STX8: variants seen among roughly 807,000 people sequenced by gnomAD.
STX8 encodes the protein syntaxin-8.
STX8 carries 23 observed loss-of-function variants against 37.5 expected under a neutral mutation model. The ratio of observed to expected loss-of-function variants is 0.61; its 90% CI spans 0.44 to 0.87. The LOEUF is 0.87. STX8 is among the 40% of genes least tolerant of loss of function. The pLI is 0.00. For synonymous variants in STX8, 115 were observed against 99.1 expected, an observed-to-expected ratio of 1.16 and a Z score of -0.95; for missense variants, 313 against 284.7, an observed-to-expected ratio of 1.10 and a Z score of -0.71.
At chr17:9,304,395 G>A (rs113356568) in intron 7 of STX8, among the ~76,000 whole-genome samples, 25 of 150,968 alleles carry the variant, frequency 1.7e-4, no homozygotes, top group African/African-American at 4.9e-4. Context: ...GCGTGGTGGC[G>A]CATGCCTGTA....
At chr17:9,567,724 T>C (rs1346599510) in intron 2 of STX8, among the ~76,000 whole-genome samples, 1 of 152,242 alleles carries the variant, frequency 6.6e-6, no homozygotes, top group Non-Finnish European at 1.5e-5. Flanking sequence ...TCTCACTCTG[T>C]TGCCCAGGCG....
rs185712775 is a variant in STX8, at chr17:9,375,359, A to G, written c.643+3193T>C. On this transcript the variant is annotated intron_variant, in intron 7 of 7. Coordinates refer to ENST00000306357, the MANE Select transcript of STX8 (RefSeq NM_004853.3). ...AGACATTATGACACTTCTGGGTAAA[A>G]ATACTACACACCAGATATTAACATC... 7.2e-5 allele frequency among the ~76,000 whole-genome samples: 11 copies of G among 152,336 alleles called. No homozygotes were observed. The East Asian group carries it at 2.1e-3, about 29-fold the overall frequency.
At chr17:9,382,233 A>G (rs927686069) in intron 6 of STX8, among the ~76,000 whole-genome samples, 2 of 152,086 alleles carry the variant, frequency 1.3e-5, no homozygotes, top group Non-Finnish European at 2.9e-5. Flanking sequence ...TAAAATAAAA[A>G]TTAACAGAAG....
chr17:9,429,995 A>T (rs928858367), intron 6 of STX8, among the ~76,000 whole-genome samples: 108 of 5,176 alleles, frequency 0.021, 26 homozygotes, highest in Middle Eastern at 0.5. Context: ...TATTATATAT[A>T]ATATATATAT....
chr17:9,330,822 C>G (rs1008428415), intron 7 of STX8, among the ~76,000 whole-genome samples: 4 of 152,204 alleles, frequency 2.6e-5, no homozygotes, highest in African/African-American at 7.2e-5. Flanking sequence ...ACAGACAAAG[C>G]CAGCAAGTTT....
At chr17:9,261,707 A>T (rs1370201484) in intron 7 of STX8, among the ~76,000 whole-genome samples, 1 of 152,182 alleles carries the variant, frequency 6.6e-6, no homozygotes, top group Non-Finnish European at 1.5e-5. Flanking sequence ...TTGTAAATAG[A>T]TAATCCTTCA....
At chr17:9,282,797 G>A (rs535454384) in intron 7 of STX8, among the ~76,000 whole-genome samples, 106 of 152,280 alleles carry the variant, frequency 7.0e-4, no homozygotes, top group Admixed American at 2.1e-3. Context: ...CCTGGTGGCC[G>A]CATGCATAAC....
intron 4 of STX8, among the ~76,000 whole-genome samples, chr17:9,514,029 A>G (rs745385499): frequency 2.6e-5 from 4 of 152,210 alleles, no homozygotes; most frequent in Non-Finnish European, 5.9e-5. Context: ...TGGGGAGAGT[A>G]GGGAGAAGGG....
intron 7 of STX8, among the ~76,000 whole-genome samples, chr17:9,257,799 C>A (rs1906856283): frequency 6.6e-6 from 1 of 152,178 alleles, no homozygotes; most frequent in African/African-American, 2.4e-5. Context: ...ACCAGCCTGG[C>A]CAGCATGGCC....
At chr17:9,458,455 C>G (rs1597685668) in intron 6 of STX8, among the ~76,000 whole-genome samples, 1 of 152,186 alleles carries the variant, frequency 6.6e-6, no homozygotes, top group African/African-American at 2.4e-5. Flanking sequence ...TGCCAATATG[C>G]TGGCTCTTAA....
intron 6 of STX8, chr17:9,467,326 C>T (rs937851396): frequency 8.5e-5 from 13 of 152,188 alleles, no homozygotes. Flanking sequence ...GCTTCCAGAG[C>T]TCTCTGTCTT....
intron 7 of STX8, among the ~76,000 whole-genome samples, chr17:9,327,259 G>GAGGA (rs1422412749): frequency 1.9e-3 from 283 of 147,754 alleles, no homozygotes; most frequent in African/African-American, 6.9e-3. Context: ...AAGGAGGAAG[G>GAGGA]AGGAGGAGGA....
intron 6 of STX8, 68 bp from the exon 7 acceptor site, chr17:9,378,721 T>A: frequency 8.5e-7 from 1 of 1,181,920 alleles, no homozygotes; most frequent in Non-Finnish European, 1.3e-6. Context: ...ATCACAGCTG[T>A]GGTTGTTCAT....
At chr17:9,566,788 GA>G (rs939789866) in intron 2 of STX8, among the ~76,000 whole-genome samples, 3 of 146,112 alleles carry the variant, frequency 2.1e-5, no homozygotes, top group South Asian at 2.2e-4. Context: ...ACTCCGTCTC[GA>G]AAAAAAAAGA....
At position 9,378,363 on chromosome 17, in the gene STX8, C is replaced by T. The variant is rs1008444820; in HGVS notation, c.643+189G>A. ...CAACAAAAAAACAATGAATGATATGCCCTTTGAACTCCATTTCATTTTGAC... is the reference window on the plus strand; with the variant it reads ...CAACAAAAAAACAATGAATGATATGTCCTTTGAACTCCATTTCATTTTGAC... On this transcript the variant is annotated intron_variant, in intron 7 of 7. Coordinates refer to ENST00000306357, the MANE Select transcript of STX8 (RefSeq NM_004853.3). 46 of 542,138 alleles carry T rather than the reference C, an allele frequency of 8.5e-5. No individual in the cohort carries two copies. In the Admixed American group the frequency reaches 1.1e-3, roughly 13 times the overall value. The allele number at this position is 542,138 out of a possible 1,614,324, so 33.6% of individuals were successfully genotyped here.
intron 6 of STX8, among the ~76,000 whole-genome samples, chr17:9,422,200 GT>G (rs1913459990): frequency 6.6e-6 from 1 of 151,954 alleles, no homozygotes; most frequent in Non-Finnish European, 1.5e-5. Context: ...TGCCTCCTGG[GT>G]TCAAGCAATT....
intron 7 of STX8, among the ~76,000 whole-genome samples, chr17:9,322,231 C>T (rs1349648748): frequency 2.0e-5 from 3 of 152,232 alleles, no homozygotes; most frequent in Non-Finnish European, 2.9e-5. Flanking sequence ...CAGGGAATTT[C>T]AACTCTAGGT....
chr17:9,275,415 A>G (rs1054005682), intron 7 of STX8, among the ~76,000 whole-genome samples: 12 of 152,178 alleles, frequency 7.9e-5, no homozygotes, highest in African/African-American at 2.7e-4. Context: ...TCCCTGGTCA[A>G]TGGAGTTCCA....
chr17:9,416,314 CT>C (rs35026860), intron 6 of STX8, among the ~76,000 whole-genome samples: 70,024 of 151,898 alleles, frequency 0.46, 17,022 homozygotes, highest in East Asian at 0.62. Flanking sequence ...GCTGGCTGTC[CT>C]TTGCTCAGTC....
Sources: gnomAD v4.1 joint callset for allele counts (sites outside exome capture counted in the v4.1 genomes callset) on GRCh38, gnomAD v4.1.1 for gene constraint, MANE v1.5 for transcripts, NCBI Gene and HGNC (gene_info 2026-07-23, HGNC 2026-07-21) for gene names.